TANC1: variants seen among roughly 807,000 people sequenced by gnomAD.
TANC1 encodes the protein protein TANC1.
A neutral mutation model predicts 149.7 loss-of-function variants in TANC1; 77 were observed. The ratio of observed to expected loss-of-function variants is 0.51; its 90% confidence interval spans 0.43 to 0.62. The LOEUF (loss-of-function observed/expected upper bound fraction) is 0.62, where lower values mean the gene tolerates loss of function less well. Ranked by LOEUF, TANC1 falls within the 20% of genes least tolerant of loss-of-function variation. The pLI, the probability that TANC1 is intolerant of heterozygous loss-of-function variation, is 0.00. For missense variants in TANC1, 1,985 were observed against 2,321.8 expected (o/e 0.85, Z 2.98); for synonymous variants, 854 against 925.0 (o/e 0.92, Z 1.39).
chr2:159,034,954 C>T (rs2040062979), intron 2 of TANC1, among the ~76,000 whole-genome samples: 1 of 152,184 alleles, frequency 6.6e-6, no homozygotes, highest in African/African-American at 2.4e-5. Context: ...TTCAATGCTG[C>T]AGAACCCTTT....
intron 19 of TANC1, among the ~76,000 whole-genome samples, chr2:159,208,139 C>T (rs2058750449): frequency 6.6e-6 from 1 of 152,156 alleles, no homozygotes; most frequent in Non-Finnish European, 1.5e-5. Flanking sequence ...AAATGAGAAT[C>T]CACCCAGGGT....
At chr2:159,148,667 T>C (rs2052424499) in intron 5 of TANC1, 1 of 152,550 alleles carries the variant, frequency 6.6e-6, no homozygotes, top group East Asian at 1.9e-4. Flanking sequence ...ATTTTCCACG[T>C]CGTTCCCCTG....
At chr2:159,081,737 G>A (rs2044293339) in intron 3 of TANC1, among the ~76,000 whole-genome samples, 1 of 152,114 alleles carries the variant, frequency 6.6e-6, no homozygotes. Context: ...GAAAACCCTA[G>A]AGAGATTGGA....
intron 3 of TANC1, among the ~76,000 whole-genome samples, chr2:159,068,849 C>T (rs939710522): frequency 6.6e-6 from 1 of 152,330 alleles, no homozygotes; most frequent in African/African-American, 2.4e-5. Context: ...AAGCAATTCT[C>T]CTGCCTCAGC....
chr2:159,152,444 T>C (rs1022393366), intron 7 of TANC1, among the ~76,000 whole-genome samples: 4 of 151,820 alleles, frequency 2.6e-5, no homozygotes, highest in African/African-American at 9.7e-5. Flanking sequence ...TGGCATTACA[T>C]GCCTTTGATT....
chr2:159,108,993 AAC>A (rs1224598880), intron 4 of TANC1, among the ~76,000 whole-genome samples: 1 of 152,178 alleles, frequency 6.6e-6, no homozygotes, highest in Non-Finnish European at 1.5e-5. Context: ...TAATTTAGGA[AAC>A]ACTCTTCAAA....
intron 4 of TANC1, among the ~76,000 whole-genome samples, chr2:159,135,135 G>C (rs927114664): frequency 2.6e-5 from 4 of 152,160 alleles, no homozygotes; most frequent in African/African-American, 9.7e-5. Context: ...CCAGCCCCTG[G>C]CAACCATTTA....
chr2:159,005,044 T>A (rs1229972964), intron 2 of TANC1, among the ~76,000 whole-genome samples: 2 of 152,190 alleles, frequency 1.3e-5, no homozygotes, highest in Non-Finnish European at 2.9e-5. Flanking sequence ...CAGGAACATG[T>A]CCTTAAGGCG....
intron 5 of TANC1, among the ~76,000 whole-genome samples, chr2:159,143,739 CAGA>C (rs77403903): frequency 0.034 from 5,202 of 152,074 alleles, 99 homozygotes; most frequent in Non-Finnish European, 0.046. Flanking sequence ...AGATTGAATG[CAGA>C]AGAAGTTATA....
chr2:159,011,335 C>A (rs74267595), intron 2 of TANC1, among the ~76,000 whole-genome samples: 12,178 of 150,520 alleles, frequency 0.081, 534 homozygotes, highest in Non-Finnish European at 0.1. Flanking sequence ...ACAACAACAA[C>A]AAAAAAAAAC....
chr2:159,037,428 C>G (rs1340976735), intron 2 of TANC1, among the ~76,000 whole-genome samples: 1 of 152,122 alleles, frequency 6.6e-6, no homozygotes, highest in African/African-American at 2.4e-5. Flanking sequence ...GAAGTCTTTG[C>G]CCGTGCCTAT....
chr2:159,149,398 A>T lies in TANC1; in HGVS notation c.495+126A>T, dbSNP rs749955781. On this transcript the variant is annotated intron_variant, in intron 6 of 26. Transcript: ENST00000263635. ...TTAAATGAGTTCTGGGCTGTTGTGT[A>T]TTGAAATTTATTTCAACAGTTTGGT... The T allele has an allele frequency of 5.1e-6, 7 of 1,367,812 alleles. No individual in the cohort carries two copies. The Admixed American group carries it at 9.3e-5, about 18-fold the overall frequency. The allele number at this position is 1,367,812 out of a possible 1,614,324, so 84.7% of individuals were successfully genotyped here.
chr2:159,097,720 GAGGACACCTAT>G lies in TANC1; in HGVS notation c.149_159del (p.Asp50GlyfsTer66). 1.2e-6 allele frequency: 2 copies of G among 1,614,162 alleles called. No individual in the cohort carries two copies. Among genetic ancestry groups the G allele is most frequent in the Non-Finnish European group, 1.7e-6 (2 of 1,180,018 alleles). ...TCCTGTGAGCAGTCTTCCCACAGCA[GAGGACACCTAT>G]AGGGTGAGCTTGGCCAAAGGTGTCT... On this transcript the variant is annotated frameshift_variant, in exon 4 of 27. Transcript: ENST00000263635. LOFTEE classifies it high-confidence loss of function.
chr2:159,213,810 G>A (rs116275964), intron 19 of TANC1, among the ~76,000 whole-genome samples: 6,077 of 152,098 alleles, frequency 0.04, 389 homozygotes, highest in African/African-American at 0.14. Flanking sequence ...ATGGTAATGC[G>A]CTGGGCCCCA....
chr2:159,171,871 A>AAAAAAAAAAAAG (rs70994272), intron 10 of TANC1, among the ~76,000 whole-genome samples: 64 of 105,590 alleles, frequency 6.1e-4, no homozygotes, highest in Non-Finnish European at 7.2e-4. Flanking sequence ...AAAAAAAAAA[A>AAAAAAAAAAAAG]AAAAGAAAAA....
intron 3 of TANC1, among the ~76,000 whole-genome samples, chr2:159,097,359 C>T (rs1011320470): frequency 6.6e-6 from 1 of 152,142 alleles, no homozygotes; most frequent in Admixed American, 6.5e-5. Flanking sequence ...TTGATCTAAT[C>T]CCAGATCAGT....
At chr2:159,020,708 A>G (rs1296512407) in intron 2 of TANC1, among the ~76,000 whole-genome samples, 1 of 152,204 alleles carries the variant, frequency 6.6e-6, no homozygotes, top group Non-Finnish European at 1.5e-5. Flanking sequence ...TTTGCCTATG[A>G]AGCTGCTCAG....
At chr2:159,137,577 G>A (rs958097102) in intron 5 of TANC1, among the ~76,000 whole-genome samples, 9 of 152,186 alleles carry the variant, frequency 5.9e-5, no homozygotes, top group African/African-American at 2.2e-4. Flanking sequence ...TGTGGTGTCT[G>A]GTTAGGATAG....
chr2:158,983,388 A>G (rs2034605460), intron 1 of TANC1, among the ~76,000 whole-genome samples: 1 of 143,618 alleles, frequency 7.0e-6, no homozygotes. Flanking sequence ...AATAGCGTGA[A>G]CCCGGGAGGC....
Sources: gnomAD v4.1 joint callset for allele counts (sites outside exome capture counted in the v4.1 genomes callset) on GRCh38, gnomAD v4.1.1 for gene constraint, MANE v1.5 for transcripts, NCBI Gene and HGNC (gene_info 2026-07-23, HGNC 2026-07-21) for gene names.